Variants in ZFPM1 observed in about 807,000 individuals in gnomAD.
ZFPM1 encodes zinc finger protein ZFPM1.
In ZFPM1, 28 loss-of-function variants were observed where a neutral mutation model predicts 46.3. The observed-to-expected ratio is 0.60, with a 90% CI of 0.45 to 0.83. ZFPM1 has a LOEUF of 0.83. Among genes scored for constraint, ZFPM1 ranks in the 40% least tolerant of loss-of-function variants. The pLI is 0.00. For missense variants in ZFPM1, 1,878 were observed against 1,432.4 expected, an observed-to-expected ratio of 1.31 and a Z score of -5.02; for synonymous variants, 957 against 675.9, an observed-to-expected ratio of 1.42 and a Z score of -6.45.
At chr16:88,495,819 C>T (rs1035496639) in intron 3 of ZFPM1, among the ~76,000 whole-genome samples, 4 of 152,156 alleles carry the variant, frequency 2.6e-5, no homozygotes, top group African/African-American at 7.2e-5. Flanking sequence ...GGAGGCGTCT[C>T]GGGGCCTAGA....
At position 88,526,935 on chromosome 16, in the gene ZFPM1, C is replaced by A; in HGVS notation, c.505+19C>A. 6.4e-7 allele frequency: 1 copy of A among 1,551,470 alleles called. No individual in the cohort carries two copies. ...AGGAAGGGTCAGTATGACGCGGCAC[C>A]TCCGTCCCAAGCCTTCCGGAAGGTG... On this transcript the variant is annotated intron_variant, in intron 5 of 9. Transcript: ENST00000319555.
rs1364964307 is a variant in ZFPM1 at position 88,536,022 on chromosome 16, C to CA, written c.*1044dup. Reference sequence around the variant, plus strand: ...CCCAGGCTGGAGTCCCTGGGATACTCACGGCTCATTGCAGCCTTGACCTCG... The same window carrying CA: ...CCCAGGCTGGAGTCCCTGGGATACTCAACGGCTCATTGCAGCCTTGACCTCG... On this transcript the variant is annotated 3_prime_UTR_variant, in exon 10 of 10. Transcript: ENST00000319555. The CA allele has an allele frequency of 6.6e-6, 1 of 152,100 alleles. No homozygotes were observed. The highest frequency in any genetic ancestry group is 1.5e-5 in the Non-Finnish European group (1 of 67,998). 9.4% of individuals were successfully genotyped at this position (152,100 alleles called of 1,614,324 possible). A position where few individuals can be genotyped will look rare whatever the true frequency, so the allele number is the denominator to read the frequency against.
Position 88,514,564 on chromosome 16 carries a change from AG to A in ZFPM1, c.402+47del, listed in dbSNP as rs769226783. 5.4e-5 allele frequency: 80 copies of A among 1,494,714 alleles called. No homozygotes were observed. In the Admixed American group the frequency reaches 1.7e-3, roughly 31 times the overall value. The allele number at this position is 1,494,714 out of a possible 1,614,324, so 92.6% of individuals were successfully genotyped here. On this transcript the variant is annotated intron_variant, in intron 4 of 9. Transcript: ENST00000319555. ...CGCCCCTGCCCGCCCACCCCAATGC[AG>A]GGCAACATGGACCCAGGGGACAGGC...
At chr16:88,473,643 G>A (rs1005416814) in intron 1 of ZFPM1, among the ~76,000 whole-genome samples, 4 of 152,240 alleles carry the variant, frequency 2.6e-5, no homozygotes, top group African/African-American at 7.2e-5. Context: ...TCCGTGAGCC[G>A]CGGCCCCCGC....
At chr16:88,462,283 C>G (rs1408378470) in intron 1 of ZFPM1, among the ~76,000 whole-genome samples, 1 of 152,228 alleles carries the variant, frequency 6.6e-6, no homozygotes, top group Non-Finnish European at 1.5e-5. Context: ...CCCTGACTCC[C>G]CTGGTTCCCT....
chr16:88,503,968 C>A (rs373677163), intron 3 of ZFPM1, among the ~76,000 whole-genome samples: 148 of 152,160 alleles, frequency 9.7e-4, no homozygotes, highest in African/African-American at 3.6e-3. Context: ...CTGACACTCT[C>A]GGTGGGTACC....
upstream of ZFPM1, among the ~76,000 whole-genome samples, chr16:88,452,778 C>A (rs1354661610): frequency 6.6e-6 from 1 of 152,102 alleles, no homozygotes; most frequent in African/African-American, 2.4e-5. Context: ...GTCTCAGGAC[C>A]CAACCAGGTC....
Position 88,533,145 on chromosome 16 carries a change from CAG to C in ZFPM1, c.1190-1_1190del. ...AGGTGCCACCCCTGCGATCTCTCTG[CAG>C]ACAGTCTGGGCAGCTTCCAGCAGCA... On this transcript the variant is annotated splice_acceptor_variant, in intron 9 of 9. Coordinates refer to ENST00000319555, the MANE Select transcript of ZFPM1 (RefSeq NM_153813.3). LOFTEE classifies it high-confidence loss of function. 1 of 1,489,216 alleles carries C rather than the reference CAG, an allele frequency of 6.7e-7. No individual in the cohort carries two copies. The highest frequency in any genetic ancestry group is 8.9e-7 in the Non-Finnish European group (1 of 1,125,500). The allele number at this position is 1,489,216 out of a possible 1,614,324, so 92.3% of individuals were successfully genotyped here.
chr16:88,479,738 A>G (rs1211794827), intron 1 of ZFPM1, among the ~76,000 whole-genome samples: 1 of 132,628 alleles, frequency 7.5e-6, no homozygotes, highest in Non-Finnish European at 1.6e-5. Flanking sequence ...CAAGACCAGG[A>G]GGCCAGCCCT....
At position 88,487,002 on chromosome 16, in the gene ZFPM1, A is replaced by G. The variant is rs149149925; in HGVS notation, c.145+959A>G. Reference sequence around the variant, plus strand: ...GTCTGGGTTTAGCCTGATTTCCTCCACCCTCACAGGCACCTCCACATTCCC... The same window carrying G: ...GTCTGGGTTTAGCCTGATTTCCTCCGCCCTCACAGGCACCTCCACATTCCC... On this transcript the variant is annotated intron_variant, in intron 2 of 9. Transcript: ENST00000319555. Among the ~76,000 whole-genome samples, 163 of 152,116 alleles carry G rather than the reference A, an allele frequency of 1.1e-3. 4 individuals carry two copies. The East Asian group carries it at 0.024, about 22-fold the overall frequency.
Position 88,497,257 on chromosome 16 carries a change from G to C in ZFPM1, c.268+8104G>C, listed in dbSNP as rs558177579. On this transcript the variant is annotated intron_variant, in intron 3 of 9. Transcript: ENST00000319555. This position sits in a 1 kb window ranked among gnomAD's most constrained non-coding sequence, Gnocchi z 5.4. ...GAGATGGGAGGGGCGGCAGGTGGAC[G>C]GCCCCAGCCCCAGCCCCAGCCCCAG... 6.6e-6 allele frequency among the ~76,000 whole-genome samples: 1 copy of C among 151,664 alleles called. No homozygotes were observed. The highest frequency in any genetic ancestry group is 2.1e-4 in the South Asian group (1 of 4,814).
At chr16:88,508,237 C>T (rs1436872899) in intron 3 of ZFPM1, among the ~76,000 whole-genome samples, 1 of 152,164 alleles carries the variant, frequency 6.6e-6, no homozygotes. Context: ...GCGGAGGCTG[C>T]AGTGAGCCGA....
chr16:88,516,511 C>T (rs1911307989), intron 4 of ZFPM1: 1 of 398,654 alleles, frequency 2.5e-6, no homozygotes, highest in Non-Finnish European at 4.4e-6. Flanking sequence ...CCCTCCTCTG[C>T]TTTATCTCCT....
chr16:88,479,226 C>T (rs1363140954), intron 1 of ZFPM1, among the ~76,000 whole-genome samples: 4 of 152,256 alleles, frequency 2.6e-5, no homozygotes, highest in East Asian at 1.9e-4. Context: ...GGGCTGGTGT[C>T]GCCAGCAGAC....
intron 3 of ZFPM1, among the ~76,000 whole-genome samples, chr16:88,505,570 C>T (rs898501699): frequency 6.6e-6 from 1 of 152,184 alleles, no homozygotes; most frequent in South Asian, 2.1e-4. Flanking sequence ...GGGCCGGCAT[C>T]GCCCTCCGCA....
At chr16:88,501,579 T>C (rs796382634) in intron 3 of ZFPM1, among the ~76,000 whole-genome samples, 6,128 of 68,980 alleles carry the variant, frequency 0.089, 768 homozygotes, top group East Asian at 0.15. Flanking sequence ...AGATAGCGGG[T>C]GTGGGTGCAT....
chr16:88,473,622 G>A (rs1316223888), intron 1 of ZFPM1, among the ~76,000 whole-genome samples: 3 of 152,086 alleles, frequency 2.0e-5, no homozygotes, highest in Admixed American at 6.5e-5. Context: ...CGCAGGCTGC[G>A]CGGCGATGGC....
At chr16:88,478,348 G>A (rs570236989) in intron 1 of ZFPM1, among the ~76,000 whole-genome samples, 2 of 152,378 alleles carry the variant, frequency 1.3e-5, no homozygotes, top group African/African-American at 4.8e-5. Context: ...GAACTGAGGA[G>A]CTGCGGGTGG....
At chr16:88,475,534 GAA>G (rs1908641601) in intron 1 of ZFPM1, among the ~76,000 whole-genome samples, 1 of 151,746 alleles carries the variant, frequency 6.6e-6, no homozygotes, top group Non-Finnish European at 1.5e-5. Context: ...GCACAGCCAA[GAA>G]AAAGGGAGGA....
Sources: allele counts gnomAD v4.1 joint callset (sites outside exome capture counted in the v4.1 genomes callset), GRCh38; gene constraint gnomAD v4.1.1; non-coding constraint Gnocchi (gnomAD v3.1); transcripts MANE v1.5; gene names NCBI Gene and HGNC (gene_info 2026-07-23, HGNC 2026-07-21).